Variants in PKHD1 observed in about 807,000 individuals in gnomAD.
The protein encoded by PKHD1 is PKHD1 ciliary IPT domain containing fibrocystin/polyductin.
PKHD1 carries 291 observed loss-of-function variants against 412.0 expected under a neutral mutation model. The ratio of observed to expected loss-of-function variants is 0.71; its 90% CI spans 0.64 to 0.78. The LOEUF (loss-of-function observed/expected upper bound fraction) is 0.78, where lower values mean the gene tolerates loss of function less well. Ranked by LOEUF, PKHD1 falls within the 30% of genes least tolerant of loss-of-function variation. The pLI, the probability that PKHD1 is intolerant of heterozygous loss-of-function variation, is 0.00. For synonymous variants in PKHD1, 1,777 were observed against 1,821.5 expected (o/e 0.98, Z 0.62); for missense variants, 4,825 against 4,950.7 (o/e 0.97, Z 0.76).
rs138466170 is a variant in PKHD1, at chr6:52,053,554, T to C, written c.1965-303A>G. Among the ~76,000 whole-genome samples the C allele has an allele frequency of 6.9e-3, 1,058 of 152,332 alleles. 17 individuals carry two copies. The highest frequency in any genetic ancestry group is 0.024 in the African/African-American group (980 of 41,568). ...ACTGTGTGTCTTAAGCAAATTATAA[T>C]GTGAGGCTGTAACCACAGAGAAGAT... is the stretch of plus-strand genomic sequence containing the variant. On this transcript the variant is annotated intron_variant, in intron 20 of 66. Transcript: ENST00000371117.
At position 51,619,138 on chromosome 6, in the gene PKHD1, G is replaced by A. The variant is rs1766290897; in HGVS notation, c.12168C>T (p.Ala4056=). ...CTGAATGAAGGCAGAATGCCTCAGTGGCCCCGCAGGAGGCTTTCTTCTCTT... is the reference window on the plus strand; with the variant it reads ...CTGAATGAAGGCAGAATGCCTCAGTAGCCCCGCAGGAGGCTTTCTTCTCTT... ...LSQEKKASCG[A]TEAFCLHSVH... The change falls in exon 67 of 67, where the codon GCC becomes GCT. Residue 4056 remains alanine, a synonymous_variant. Transcript: ENST00000371117. 1.2e-6 allele frequency: 2 copies of A among 1,614,118 alleles called. No homozygotes were observed. The highest frequency in any genetic ancestry group is 1.7e-5 in the Admixed American group (1 of 60,010).
At chr6:51,852,423 G>A (rs1043412033) in intron 49 of PKHD1, among the ~76,000 whole-genome samples, 2 of 152,120 alleles carry the variant, frequency 1.3e-5, no homozygotes, top group African/African-American at 4.8e-5. Flanking sequence ...AGGTCCACTC[G>A]ATCCAGAGCT....
chr6:51,668,822 T>G (rs557893774), intron 60 of PKHD1, among the ~76,000 whole-genome samples: 75 of 152,158 alleles, frequency 4.9e-4, no homozygotes, highest in African/African-American at 1.8e-3. Context: ...TTTTGTCTTC[T>G]GTTCTGTTTA....
At chr6:51,786,515 T>C (rs149461743) in intron 53 of PKHD1, among the ~76,000 whole-genome samples, 1 of 152,252 alleles carries the variant, frequency 6.6e-6, no homozygotes, top group East Asian at 1.9e-4. Context: ...AAATCCAAAC[T>C]CCTTGGCATA....
In PKHD1 at chr6:52,069,478, A is replaced by G. The variant is rs775254013; in HGVS notation, c.757T>C (p.Phe253Leu). The change falls in exon 11 of 67, where the codon TTC becomes CTC. Residue 253 changes from phenylalanine (F) to leucine (L), a missense_variant. Coordinates refer to ENST00000371117, the MANE Select transcript of PKHD1 (RefSeq NM_138694.4). ...GTACCTGAGTGTGTCTGGTATAGGAAAAGATCCTGTTTAGCACTGATCAGC... is the reference window on the plus strand; with the variant it reads ...GTACCTGAGTGTGTCTGGTATAGGAGAAGATCCTGTTTAGCACTGATCAGC... Reference protein sequence around the residue: ...AWLISAKQDLFLYQTHSEILS... With the variant: ...AWLISAKQDLLLYQTHSEILS... The G allele has an allele frequency of 1.2e-6, 2 of 1,612,940 alleles. No homozygotes were observed. Among genetic ancestry groups the G allele is most frequent in the Non-Finnish European group, 1.7e-6 (2 of 1,178,930 alleles).
intron 52 of PKHD1, among the ~76,000 whole-genome samples, chr6:51,816,386 A>C (rs1582853397): frequency 6.6e-6 from 1 of 152,236 alleles, no homozygotes; most frequent in Admixed American, 6.5e-5. Flanking sequence ...TACACCTTTC[A>C]TTAAACCAAA....
chr6:51,959,208 G>A (rs1038578856), intron 36 of PKHD1, among the ~76,000 whole-genome samples: 5 of 152,076 alleles, frequency 3.3e-5, no homozygotes, highest in Non-Finnish European at 7.4e-5. Flanking sequence ...ATTTGCCAAT[G>A]AACAGAGGCA....
At chr6:52,032,911 C>T (rs1275117173) in intron 29 of PKHD1, 119 bp downstream of exon 29, 6 of 904,038 alleles carry the variant, frequency 6.6e-6, no homozygotes, top group Non-Finnish European at 9.0e-6. Flanking sequence ...AAGCAATCTC[C>T]TAGCTTTCAA....
At chr6:51,896,701 C>T (rs1221496509) in intron 43 of PKHD1, among the ~76,000 whole-genome samples, 5 of 150,564 alleles carry the variant, frequency 3.3e-5, no homozygotes, top group South Asian at 4.3e-4. Flanking sequence ...AGGCTTCAGA[C>T]GATCAAATTA....
intron 46 of PKHD1, among the ~76,000 whole-genome samples, chr6:51,879,139 TC>T: frequency 1.5e-5 from 1 of 67,904 alleles, no homozygotes; most frequent in African/African-American, 7.0e-5. Context: ...GGAAGAACAT[TC>T]CATGCTCATG....
intron 54 of PKHD1, among the ~76,000 whole-genome samples, chr6:51,774,884 T>C (rs1790741751): frequency 6.6e-6 from 1 of 151,884 alleles, no homozygotes; most frequent in African/African-American, 2.4e-5. Flanking sequence ...CCAATTTTCT[T>C]TAAAAATGTT....
In PKHD1 at chr6:52,062,697, G is replaced by T. The variant is rs552628545; in HGVS notation, c.977-37C>A. ...GTAGATCGCATAAACATTACAGGGC[G>T]CACCTTCCCAAATTGGGGAATTACT... On this transcript the variant is annotated intron_variant, in intron 13 of 66. Transcript: ENST00000371117. 4 of 1,612,718 alleles carry T rather than the reference G, an allele frequency of 2.5e-6. No homozygotes were observed. In the South Asian group the frequency reaches 3.3e-5, roughly 13 times the overall value.
intron 36 of PKHD1, among the ~76,000 whole-genome samples, chr6:51,951,343 A>G (rs1790337156): frequency 6.6e-6 from 1 of 152,112 alleles, no homozygotes; most frequent in African/African-American, 2.4e-5. Context: ...CAAAAAAAAA[A>G]TCGTCTTTTT....
chr6:51,679,956 C>G (rs1230116187), intron 60 of PKHD1, among the ~76,000 whole-genome samples: 1 of 151,992 alleles, frequency 6.6e-6, no homozygotes, highest in African/African-American at 2.4e-5. Flanking sequence ...AGGTTCAAAT[C>G]CTGGCTCTGC....
chr6:51,969,767 A>G (rs960391234), intron 35 of PKHD1, among the ~76,000 whole-genome samples: 4 of 152,074 alleles, frequency 2.6e-5, no homozygotes, highest in Admixed American at 1.3e-4. Flanking sequence ...GTGTATATAT[A>G]TGTGTACACA....
intron 42 of PKHD1, 62 bp from the exon 43 acceptor site, chr6:51,903,789 C>T (rs1474764080): frequency 2.3e-6 from 3 of 1,313,168 alleles, no homozygotes; most frequent in Non-Finnish European, 3.3e-6. Flanking sequence ...AACTCAACAC[C>T]CTTGATTCTA....
In PKHD1 at chr6:52,084,923, C is replaced by T. The variant is rs1554229312; in HGVS notation, c.11G>A (p.Trp4Ter). 1 of 1,606,374 alleles carries T rather than the reference C, an allele frequency of 6.2e-7. No homozygotes were observed. Among genetic ancestry groups the T allele is most frequent in the East Asian group, 2.2e-5 (1 of 44,794 alleles). Residue 4 changes from tryptophan (W) to a stop codon, truncating the protein, a stop_gained, in exon 2 of 67, where the codon TGG (tryptophan) becomes TAG (stop). Transcript: ENST00000371117. LOFTEE classifies it high-confidence loss of function. MTA[W>*]LISLMSIEVL... is the part of the protein sequence containing the mutation. ...TTCAATACTCATCAGAGAGATCAGC[C>T]AGGCAGTCATTCTGTCCACTTAAAT... is the stretch of plus-strand genomic sequence containing the variant.
At chr6:51,812,543 T>C (rs1764854511) in intron 52 of PKHD1, among the ~76,000 whole-genome samples, 1 of 152,194 alleles carries the variant, frequency 6.6e-6, no homozygotes, top group South Asian at 2.1e-4. Flanking sequence ...ACAAACAGAC[T>C]ATTTTGGAGC....
intron 35 of PKHD1, among the ~76,000 whole-genome samples, chr6:51,960,672 A>T (rs1791890748): frequency 6.6e-6 from 1 of 152,170 alleles, no homozygotes; most frequent in South Asian, 2.1e-4. Flanking sequence ...AACAAAGCCC[A>T]TGCAGGCATA....
Sources: allele counts gnomAD v4.1 joint callset (sites outside exome capture counted in the v4.1 genomes callset), GRCh38; gene constraint gnomAD v4.1.1; transcripts MANE v1.5; gene names NCBI Gene and HGNC (gene_info 2026-07-23, HGNC 2026-07-21).